The following GSE1 variants were observed in gnomAD, a reference collection of about 807,000 sequenced individuals.
GSE1 encodes Gse1 coiled-coil protein.
A neutral mutation model predicts 112.6 loss-of-function variants in GSE1; 32 were observed. The observed-to-expected ratio is 0.28, with a 90% CI of 0.21 to 0.38. The LOEUF is 0.38. Among genes scored for constraint, GSE1 ranks in the 10% least tolerant of loss-of-function variants. The pLI is 1.00. For missense variants in GSE1, 2,348 were observed against 1,699.2 expected, an observed-to-expected ratio of 1.38 and a Z score of -6.71; for synonymous variants, 1,115 against 735.6, an observed-to-expected ratio of 1.52 and a Z score of -8.35.
upstream of GSE1, among the ~76,000 whole-genome samples, chr16:85,609,659 T>C (rs1047714356): frequency 6.6e-6 from 1 of 152,080 alleles, no homozygotes; most frequent in African/African-American, 2.4e-5. Flanking sequence ...GCTTTCTTTT[T>C]TTTTTCCTCC....
At chr16:85,304,598 G>GGGC (rs1315974122) in intron 1 of GSE1, among the ~76,000 whole-genome samples, 5 of 108,536 alleles carry the variant, frequency 4.6e-5, no homozygotes, top group East Asian at 3.5e-4. Flanking sequence ...GCCAAGCCGG[G>GGGC]GGCGGGGGGG....
chr16:85,326,950 G>C (rs571641084), intron 1 of GSE1, among the ~76,000 whole-genome samples: 6 of 152,216 alleles, frequency 3.9e-5, no homozygotes, highest in Non-Finnish European at 7.3e-5. Context: ...TTGCTCACAG[G>C]TCTGTGATTT....
At chr16:85,335,754 C>A (rs2046468946) in intron 1 of GSE1, among the ~76,000 whole-genome samples, 1 of 152,198 alleles carries the variant, frequency 6.6e-6, no homozygotes, top group South Asian at 2.1e-4. Context: ...AGGGAGGGAG[C>A]CATGTCCATT....
intron 1 of GSE1, among the ~76,000 whole-genome samples, chr16:85,242,139 G>A (rs534054970): frequency 6.6e-6 from 1 of 152,142 alleles, no homozygotes; most frequent in African/African-American, 2.4e-5. Context: ...CCCATCACAC[G>A]CCAGGCATCT....
At chr16:85,499,471 C>T (rs986129468) in intron 2 of GSE1, among the ~76,000 whole-genome samples, 14 of 151,942 alleles carry the variant, frequency 9.2e-5, no homozygotes, top group Non-Finnish European at 1.5e-4. Context: ...CCACCACGCC[C>T]GGCTAATTTT....
chr16:85,517,161 C>G (rs917248657), intron 2 of GSE1, among the ~76,000 whole-genome samples: 8 of 152,040 alleles, frequency 5.3e-5, no homozygotes, highest in African/African-American at 1.9e-4. Flanking sequence ...CAGGCTGTGT[C>G]CCCCCTCGCT....
chr16:85,231,320 T>C (rs572187209), intron 1 of GSE1, among the ~76,000 whole-genome samples: 34 of 146,566 alleles, frequency 2.3e-4, no homozygotes, highest in Admixed American at 7.5e-4. Flanking sequence ...GAAGGACAGA[T>C]AGAAGGACAG....
chr16:85,591,770 A>G (rs1159478995), intron 1 of GSE1, among the ~76,000 whole-genome samples: 1 of 152,256 alleles, frequency 6.6e-6, no homozygotes, highest in Non-Finnish European at 1.5e-5. Context: ...CCATAAATGG[A>G]CAGCCAGGGA....
At chr16:85,463,056 G>A (rs1209356920) in intron 2 of GSE1, 1 of 983,294 alleles carries the variant, frequency 1.0e-6, no homozygotes. Flanking sequence ...GAGGCCCCGG[G>A]TCCCGCGGCC....
At chr16:85,602,650 C>T (rs1158412320) in intron 1 of GSE1, among the ~76,000 whole-genome samples, 2 of 152,146 alleles carry the variant, frequency 1.3e-5, no homozygotes, top group Non-Finnish European at 1.5e-5. Context: ...GTGTAGGTGT[C>T]CTCTGAGCCA....
At chr16:85,305,704 G>C (rs931918143) in intron 1 of GSE1, among the ~76,000 whole-genome samples, 1 of 151,938 alleles carries the variant, frequency 6.6e-6, no homozygotes, top group African/African-American at 2.4e-5. Flanking sequence ...TTGAACTCCC[G>C]ACCTCAGGTG....
rs2051935064 is a variant in GSE1 at position 85,656,368 on chromosome 16, C to CGGGAGA, written c.1021_1026dup (p.Arg351_Glu352dup). On this transcript the variant is annotated inframe_insertion, in exon 7 of 16. Transcript: ENST00000253458. ...GCTGCAGATGGACGAGGAGCTAAGGCGGGAGAGGGAGCGCGAGCGCGAGCG... is the reference window on the plus strand; with the variant it reads ...GCTGCAGATGGACGAGGAGCTAAGGCGGGAGAGGGAGAGGGAGCGCGAGCGCGAGCG... The CGGGAGA allele has an allele frequency of 6.2e-7, 1 of 1,604,642 alleles. No homozygotes were observed. The highest frequency in any genetic ancestry group is 1.1e-5 in the South Asian group (1 of 90,628).
At chr16:85,275,377 C>T (rs1313725436) in intron 1 of GSE1, among the ~76,000 whole-genome samples, 2 of 152,202 alleles carry the variant, frequency 1.3e-5, no homozygotes, top group African/African-American at 4.8e-5. Context: ...GGCGAAGGCT[C>T]TGTCGGGAGA....
Position 85,655,880 on chromosome 16 carries a change from C to A in GSE1, c.952C>A (p.Leu318Met), listed in dbSNP as rs753968275. The change falls in exon 6 of 16, where the codon CTG becomes ATG. Residue 318 changes from leucine to methionine, a missense_variant. Transcript: ENST00000253458. Reference sequence around the variant, plus strand: ...GCTCTCCCACTCATCCCTGGCAGCGCTGCACTCGGAGCGCATGTCTGGCCT... The same window carrying A: ...GCTCTCCCACTCATCCCTGGCAGCGATGCACTCGGAGCGCATGTCTGGCCT... Reference protein sequence around the residue: ...PELSHSSLAALHSERMSGLSA... With the variant: ...PELSHSSLAAMHSERMSGLSA... 1 of 1,607,572 alleles carries A rather than the reference C, an allele frequency of 6.2e-7. No individual in the cohort carries two copies. Among genetic ancestry groups the A allele is most frequent in the Non-Finnish European group, 8.5e-7 (1 of 1,179,868 alleles).
At chr16:85,501,500 T>C (rs2051366313) in intron 2 of GSE1, among the ~76,000 whole-genome samples, 1 of 149,000 alleles carries the variant, frequency 6.7e-6, no homozygotes, top group Non-Finnish European at 1.5e-5. Flanking sequence ...TCAAGCGATC[T>C]CCCGCCTCAG....
At chr16:85,641,498 C>G (rs911522986) in intron 2 of GSE1, among the ~76,000 whole-genome samples, 1 of 152,146 alleles carries the variant, frequency 6.6e-6, no homozygotes, top group Non-Finnish European at 1.5e-5. Context: ...GAGAGCCCTG[C>G]CCTGGGAGCC....
At chr16:85,465,597 C>G (rs978398077) in intron 2 of GSE1, among the ~76,000 whole-genome samples, 69 of 152,276 alleles carry the variant, frequency 4.5e-4, no homozygotes, top group African/African-American at 1.4e-3. Context: ...CTCTCCCTAC[C>G]GTCTCCCCAT....
intron 2 of GSE1, among the ~76,000 whole-genome samples, chr16:85,486,835 C>T (rs1038167549): frequency 6.6e-6 from 1 of 152,224 alleles, no homozygotes; most frequent in African/African-American, 2.4e-5. Flanking sequence ...ATGGCTGGGG[C>T]CTCGCCGGTG....
At chr16:85,608,696 A>T (rs2047824324), upstream of GSE1, among the ~76,000 whole-genome samples, 1 of 152,168 alleles carries the variant, frequency 6.6e-6, no homozygotes, top group African/African-American at 2.4e-5. Context: ...GGGCTGTGTA[A>T]TGGAGGTCAC....
Sources: gnomAD v4.1 joint callset for allele counts (sites outside exome capture counted in the v4.1 genomes callset) on GRCh38, gnomAD v4.1.1 for gene constraint, MANE v1.5 for transcripts, NCBI Gene and HGNC (gene_info 2026-07-23, HGNC 2026-07-21) for gene names.